The following CZIB variants were observed in gnomAD, a reference collection of about 807,000 sequenced individuals.
CZIB encodes CXXC motif containing zinc binding protein.
CZIB carries 26 observed loss-of-function variants against 28.3 expected under a neutral mutation model. The ratio of observed to expected loss-of-function variants is 0.92; its 90% CI spans 0.67 to 1.27. CZIB has a LOEUF of 1.27. Ranked by LOEUF, CZIB falls within the 50% of genes most tolerant of loss-of-function variation. The pLI is 0.00. For synonymous variants in CZIB, 78 were observed against 71.1 expected (o/e 1.10, Z -0.49); for missense variants, 179 against 197.3 (o/e 0.91, Z 0.56).
In CZIB at chr1:53,220,627, C is replaced by T. The variant is rs749682889; in HGVS notation, c.-52G>A. ...TGCGGCCCTTGCCGTTGCTTTCCGGCGCGTCGTAAAAGGCGGGTGCCGTCT... is the reference window on the plus strand; with the variant it reads ...TGCGGCCCTTGCCGTTGCTTTCCGGTGCGTCGTAAAAGGCGGGTGCCGTCT... On this transcript the variant is annotated 5_prime_UTR_variant, in exon 1 of 8. Coordinates refer to ENST00000294360, the MANE Select transcript of CZIB (RefSeq NM_017887.3). The T allele has an allele frequency of 1.9e-6, 3 of 1,588,240 alleles. No individual in the cohort carries two copies. The highest frequency in any genetic ancestry group is 2.6e-6 in the Non-Finnish European group (3 of 1,174,356).
chr1:53,219,031 G>T, intron 2 of CZIB, 108 bp from the exon 3 acceptor site: 1 of 917,512 alleles, frequency 1.1e-6, no homozygotes, highest in South Asian at 1.4e-5. Flanking sequence ...CCTTCTTGAT[G>T]GCAATCTCAC....
At position 53,218,200 on chromosome 1, in the gene CZIB, A is replaced by G. The variant is rs1645486173; in HGVS notation, c.233T>C (p.Ile78Thr). 1 of 1,614,048 alleles carries G rather than the reference A, an allele frequency of 6.2e-7. No homozygotes were observed. Among genetic ancestry groups the G allele is most frequent in the African/African-American group, 1.3e-5 (1 of 74,918 alleles). ...KLCARENSIE[I>T]LSSTIKPYNA... ...GTAAGGCTTGATGGTGCTGCTTAAA[A>G]TCTCTGAAATAGAAAAGAGAACACA... Residue 78 changes from isoleucine (I) to threonine (T), a missense_variant, in exon 5 of 8, where the codon ATT (isoleucine) becomes ACT (threonine). Ile to Thr is a moderately conservative substitution (Grantham distance 89). Coordinates refer to ENST00000294360, the MANE Select transcript of CZIB (RefSeq NM_017887.3).
At position 53,220,568 on chromosome 1, in the gene CZIB, A is replaced by G; in HGVS notation, c.6+2T>C. The G allele has an allele frequency of 6.3e-7, 1 of 1,595,682 alleles. No homozygotes were observed. The highest frequency in any genetic ancestry group is 8.5e-7 in the Non-Finnish European group (1 of 1,178,722). The stretch of plus-strand genomic sequence containing the variant: ...TCCCCGCGGCGGGCGGCCTCCCCTC[A>G]CCCCCATGGTAGCCCTCTCCGCCCG... On this transcript the variant is annotated splice_donor_variant, in intron 1 of 7. Transcript: ENST00000294360. LOFTEE classifies it high-confidence loss of function.
At chr1:53,220,167 G>T in intron 2 of CZIB, 94 bp downstream of exon 2, 1 of 1,125,836 alleles carries the variant, frequency 8.9e-7, no homozygotes, top group Non-Finnish European at 1.3e-6. Context: ...AATGTGCCTG[G>T]TTAAATATTT....
At chr1:53,219,196 T>A in intron 2 of CZIB, 1 of 429,206 alleles carries the variant, frequency 2.3e-6, no homozygotes, top group Non-Finnish European at 4.2e-6. Flanking sequence ...AGAAATGGTT[T>A]CAGCGGAGGT....
In CZIB at chr1:53,218,464, C is replaced by T. The variant is rs1467832781; in HGVS notation, c.179G>A (p.Ser60Asn). 6.2e-7 allele frequency: 1 copy of T among 1,614,220 alleles called. No homozygotes were observed. Among genetic ancestry groups the T allele is most frequent in the Non-Finnish European group, 8.5e-7 (1 of 1,180,028 alleles). The change falls in exon 4 of 8, where the codon AGT becomes AAT. Residue 60 changes from serine (S) to asparagine (N), a missense_variant. Ser to Asn is a conservative substitution (Grantham distance 46, BLOSUM62 1). Coordinates refer to ENST00000294360, the MANE Select transcript of CZIB (RefSeq NM_017887.3). ...CTTGCACTTCTGGACCATGGAAGCA[C>T]TGCCACGGCCCCCCTTCAGTGCCAC... ...DSVALKGGRGSASMVQKCKLC... is the reference protein window; with the variant it reads ...DSVALKGGRGNASMVQKCKLC...
intron 1 of CZIB, 55 bp downstream of exon 1, chr1:53,220,515 C>T: frequency 1.2e-6 from 2 of 1,600,480 alleles, no homozygotes; most frequent in Non-Finnish European, 1.7e-6. Context: ...GCTGTTGCCT[C>T]CCAGACCCTC....
chr1:53,217,848 C>A (rs1021921270), intron 5 of CZIB: 2 of 340,306 alleles, frequency 5.9e-6, no homozygotes, highest in Non-Finnish European at 1.1e-5. Flanking sequence ...ACGACTACCC[C>A]ACCCATGGTT....
intron 2 of CZIB, 61 bp from the exon 3 acceptor site, chr1:53,218,984 G>T: frequency 6.9e-7 from 1 of 1,452,626 alleles, no homozygotes; most frequent in Non-Finnish European, 9.7e-7. Context: ...CCAAGGAAAG[G>T]GTAAGAACAG....
intron 4 of CZIB, 99 bp from the exon 5 acceptor site, chr1:53,218,302 G>A (rs1645487060): frequency 1.3e-6 from 2 of 1,575,630 alleles, no homozygotes; most frequent in African/African-American, 1.3e-5. Flanking sequence ...CTGTACAGGT[G>A]TCGGCATCTT....
At position 53,218,939 on chromosome 1, in the gene CZIB, A is replaced by G; in HGVS notation, c.91-16T>C. 5 of 1,611,692 alleles carry G rather than the reference A, an allele frequency of 3.1e-6. No homozygotes were observed. The highest frequency in any genetic ancestry group is 4.2e-6 in the Non-Finnish European group (5 of 1,177,818). On this transcript the variant is annotated splice_polypyrimidine_tract_variant and intron_variant, in intron 2 of 7. Transcript: ENST00000294360. Reference sequence around the variant, plus strand: ...CACATTTCATCTTTGGGGAAAAAGAATGTTAGTAAAGCAGCTGGCTCTGCT... The same window carrying G: ...CACATTTCATCTTTGGGGAAAAAGAGTGTTAGTAAAGCAGCTGGCTCTGCT...
At position 53,216,063 on chromosome 1, in the gene CZIB, G is replaced by A. The variant is rs374003750; in HGVS notation, c.340-7C>T. 4 of 1,613,820 alleles carry A rather than the reference G, an allele frequency of 2.5e-6. No individual in the cohort carries two copies. In the African/African-American group the frequency reaches 5.3e-5, roughly 22 times the overall value. On this transcript the variant is annotated splice_region_variant and splice_polypyrimidine_tract_variant and intron_variant, in intron 6 of 7. Transcript: ENST00000294360. The stretch of plus-strand genomic sequence containing the variant: ...CTTCAGCAGCAAACCCAGCCTGCAG[G>A]GCACAAGAAGGTACCAGTTAGTCTT...
intron 7 of CZIB, among the ~76,000 whole-genome samples, chr1:53,215,080 C>G (rs911596555): frequency 1.3e-5 from 2 of 152,182 alleles, no homozygotes; most frequent in Non-Finnish European, 1.5e-5. Context: ...TGGCTCATGC[C>G]TGTAATCCCA....
intron 3 of CZIB, 58 bp from the exon 4 acceptor site, chr1:53,218,553 G>A: frequency 1.3e-6 from 2 of 1,533,502 alleles, no homozygotes; most frequent in Non-Finnish European, 1.8e-6. Flanking sequence ...CAGTCCTGAG[G>A]AGATCGAGCC....
Position 53,217,073 on chromosome 1 carries a change from C to T in CZIB, c.262-214G>A, listed in dbSNP as rs191548403. 1.1e-3 allele frequency: 570 copies of T among 509,710 alleles called. 4 individuals carry two copies. The highest frequency in any genetic ancestry group is 9.5e-3 in the African/African-American group (495 of 51,964). 31.6% of individuals were successfully genotyped at this position (509,710 alleles called of 1,614,324 possible). On this transcript the variant is annotated intron_variant, in intron 5 of 7. Coordinates refer to ENST00000294360, the MANE Select transcript of CZIB (RefSeq NM_017887.3). ...AGCAGACATGGAGGCTGCAGAAGAG[C>T]GTGGATGCTGGGGTCAACCTGCCTG...
intron 7 of CZIB, among the ~76,000 whole-genome samples, chr1:53,215,567 C>T (rs1645464910): frequency 6.6e-6 from 1 of 152,144 alleles, no homozygotes; most frequent in South Asian, 2.1e-4. Flanking sequence ...AAAGCCACCA[C>T]AAACACTGAA....
chr1:53,218,483 G>T lies in CZIB; in HGVS notation c.160C>A (p.Leu54Met), dbSNP rs779495665. 7 of 1,614,034 alleles carry T rather than the reference G, an allele frequency of 4.3e-6. No homozygotes were observed. In the African/African-American group the frequency reaches 9.3e-5, roughly 22 times the overall value. The change falls in exon 4 of 8, where the codon CTG becomes ATG. Residue 54 changes from leucine (L) to methionine (M), a missense_variant. Transcript: ENST00000294360. ...QYIRLMDSVA[L>M]KGGRGSASMV... is the part of the protein sequence containing the mutation. ...GAAGCACTGCCACGGCCCCCCTTCA[G>T]TGCCACACTGTCCTGGCAAAAAGCA... is the stretch of plus-strand genomic sequence containing the variant.
chr1:53,215,396 G>C (rs984135532), intron 7 of CZIB, among the ~76,000 whole-genome samples: 1 of 152,230 alleles, frequency 6.6e-6, no homozygotes, highest in Non-Finnish European at 1.5e-5. Context: ...GCACATGTAA[G>C]AGCTCAGTAG....
At chr1:53,218,526 C>T (rs1374229318) in intron 3 of CZIB, 31 bp from the exon 4 acceptor site, 1 of 1,605,634 alleles carries the variant, frequency 6.2e-7, no homozygotes, top group South Asian at 1.1e-5. Context: ...CTTTCAGTCA[C>T]ATATGAATTA....
Sources: gnomAD v4.1 joint callset for allele counts (sites outside exome capture counted in the v4.1 genomes callset) on GRCh38, gnomAD v4.1.1 for gene constraint, MANE v1.5 for transcripts, NCBI Gene and HGNC (gene_info 2026-07-23, HGNC 2026-07-21) for gene names.